VOPP1: variants seen among roughly 807,000 people sequenced by gnomAD.
The protein encoded by VOPP1 is VOPP1 WW domain binding protein.
VOPP1 carries 8 observed loss-of-function variants against 23.5 expected under a neutral mutation model. That is an observed-to-expected ratio of 0.34 (90% CI 0.20 to 0.61). VOPP1 has a LOEUF of 0.61. VOPP1 is among the 20% of genes least tolerant of loss of function. The pLI, the probability that VOPP1 is intolerant of heterozygous loss-of-function variation, is 0.78. For synonymous variants in VOPP1, 83 were observed against 97.3 expected (o/e 0.85, Z 0.86); for missense variants, 174 against 238.1 (o/e 0.73, Z 1.77).
chr7:55,498,259 G>GTAC (rs1053051927), intron 2 of VOPP1, among the ~76,000 whole-genome samples: 4 of 152,228 alleles, frequency 2.6e-5, no homozygotes, highest in Non-Finnish European at 5.9e-5. Context: ...GCCCTGCACA[G>GTAC]TACTGACTTA....
chr7:55,543,436 C>T (rs1562616075), intron 1 of VOPP1, among the ~76,000 whole-genome samples: 1 of 152,150 alleles, frequency 6.6e-6, no homozygotes, highest in African/African-American at 2.4e-5. Flanking sequence ...AAATACCTGG[C>T]AATGAGATTG....
At chr7:55,518,844 T>C (rs984637512) in intron 2 of VOPP1, among the ~76,000 whole-genome samples, 3 of 152,116 alleles carry the variant, frequency 2.0e-5, no homozygotes, top group African/African-American at 4.8e-5. Flanking sequence ...AAAAGTGACA[T>C]GGAAATTTAC....
chr7:55,460,780 T>C (rs1234187217), intron 4 of VOPP1, among the ~76,000 whole-genome samples: 1 of 152,248 alleles, frequency 6.6e-6, no homozygotes, highest in African/African-American at 2.4e-5. Flanking sequence ...CAGATATAAC[T>C]ATAGCTATTC....
chr7:55,569,288 A>G (rs1245703776), intron 1 of VOPP1, among the ~76,000 whole-genome samples: 8 of 152,166 alleles, frequency 5.3e-5, no homozygotes, highest in Admixed American at 5.2e-4. Context: ...GGTGATGCCC[A>G]CTGTCCAGGC....
At chr7:55,479,673 T>C (rs1792557698) in intron 4 of VOPP1, among the ~76,000 whole-genome samples, 1 of 152,206 alleles carries the variant, frequency 6.6e-6, no homozygotes, top group Non-Finnish European at 1.5e-5. Flanking sequence ...GCAATCCAAT[T>C]TTCATGGGAA....
intron 4 of VOPP1, among the ~76,000 whole-genome samples, chr7:55,484,359 C>T (rs1792969344): frequency 6.6e-6 from 1 of 152,210 alleles, no homozygotes; most frequent in African/African-American, 2.4e-5. Context: ...ACCCCCTTGC[C>T]AGTCTTTCTT....
intron 1 of VOPP1, among the ~76,000 whole-genome samples, chr7:55,554,569 G>A (rs1184111880): frequency 6.6e-6 from 1 of 152,218 alleles, no homozygotes; most frequent in Non-Finnish European, 1.5e-5. Context: ...GTAAAAAATT[G>A]CAGAACTTGG....
chr7:55,500,449 A>T (rs1794288510), intron 2 of VOPP1, among the ~76,000 whole-genome samples: 1 of 152,158 alleles, frequency 6.6e-6, no homozygotes, highest in Admixed American at 6.5e-5. Flanking sequence ...CAACAACCCA[A>T]ATCAATTCGG....
chr7:55,478,196 G>A (rs530580463), intron 4 of VOPP1, among the ~76,000 whole-genome samples: 8 of 152,290 alleles, frequency 5.3e-5, no homozygotes, highest in Admixed American at 1.3e-4. Context: ...GAGAGATCAC[G>A]GCAAAGACAT....
At chr7:55,473,240 G>A (rs1317327621) in intron 4 of VOPP1, among the ~76,000 whole-genome samples, 195 bp from the exon 5 acceptor site, 2 of 152,162 alleles carry the variant, frequency 1.3e-5, no homozygotes, top group Non-Finnish European at 1.5e-5. Flanking sequence ...CTGCCCTCTC[G>A]GGGCTTTGAT....
chr7:55,561,253 A>T (rs1483898777), intron 1 of VOPP1, among the ~76,000 whole-genome samples: 2 of 151,766 alleles, frequency 1.3e-5, no homozygotes, highest in African/African-American at 4.8e-5. Flanking sequence ...CTTCAACTCT[A>T]TGTGCACCTT....
intron 1 of VOPP1, chr7:55,552,631 T>A: frequency 6.5e-7 from 1 of 1,535,988 alleles, no homozygotes; most frequent in Non-Finnish European, 8.7e-7. Flanking sequence ...TCTGTGTGGC[T>A]CCAAAGTTGC....
intron 1 of VOPP1, chr7:55,521,728 A>G (rs992929488): frequency 6.1e-6 from 6 of 985,224 alleles, no homozygotes; most frequent in South Asian, 9.4e-5. Flanking sequence ...GCCCAGCCCC[A>G]CAGGGCAGGG....
intron 4 of VOPP1, among the ~76,000 whole-genome samples, chr7:55,480,982 G>T (rs1792664316): frequency 6.6e-6 from 1 of 152,196 alleles, no homozygotes. Context: ...CAGGAAAATT[G>T]AAAAATGAAA....
chr7:55,557,786 G>T (rs188118087), intron 1 of VOPP1, among the ~76,000 whole-genome samples: 1 of 152,368 alleles, frequency 6.6e-6, no homozygotes, highest in African/African-American at 2.4e-5. Context: ...AGGACCGTCC[G>T]CAGAGAATGG....
At chr7:55,476,213 C>T (rs1416564687) in intron 4 of VOPP1, among the ~76,000 whole-genome samples, 3 of 152,334 alleles carry the variant, frequency 2.0e-5, no homozygotes, top group South Asian at 2.1e-4. Context: ...TTACTTTGAA[C>T]GTCATCATCT....
At chr7:55,482,018 A>G (rs1792749839) in intron 4 of VOPP1, among the ~76,000 whole-genome samples, 2 of 152,224 alleles carry the variant, frequency 1.3e-5, no homozygotes, top group Admixed American at 1.3e-4. Context: ...TACAGTTTCC[A>G]TCACTCTGTC....
chr7:55,459,420 T>C (rs989122639), intron 4 of VOPP1, among the ~76,000 whole-genome samples: 11 of 152,216 alleles, frequency 7.2e-5, no homozygotes, highest in Non-Finnish European at 1.5e-4. Context: ...TCCTCTTCAA[T>C]TGTTTTTAAA....
intron 1 of VOPP1, among the ~76,000 whole-genome samples, chr7:55,537,168 C>T (rs1473401199): frequency 2.6e-5 from 4 of 152,146 alleles, no homozygotes; most frequent in South Asian, 2.1e-4. Flanking sequence ...CCCTCCGTCC[C>T]GGCAGCACTG....
Sources: allele counts gnomAD v4.1 joint callset (sites outside exome capture counted in the v4.1 genomes callset), GRCh38; gene constraint gnomAD v4.1.1; transcripts MANE v1.5; gene names NCBI Gene and HGNC (gene_info 2026-07-23, HGNC 2026-07-21).